STX8: variants seen among roughly 807,000 people sequenced by gnomAD.
STX8 encodes the protein syntaxin-8.
In STX8, 23 loss-of-function variants were observed where a neutral mutation model predicts 37.5. The observed-to-expected ratio is 0.61, with a 90% CI of 0.44 to 0.87. STX8 has a LOEUF of 0.87. Among genes scored for constraint, STX8 ranks in the 40% least tolerant of loss-of-function variants. The pLI is 0.00. For synonymous variants in STX8, 115 were observed against 99.1 expected (o/e 1.16, Z -0.95); for missense variants, 313 against 284.7 (o/e 1.10, Z -0.71).
chr17:9,522,117 C>G (rs1254369130), intron 4 of STX8, among the ~76,000 whole-genome samples: 2 of 152,080 alleles, frequency 1.3e-5, no homozygotes, highest in African/African-American at 4.8e-5. Context: ...AAGCAAAAAA[C>G]AAAACCAAAA....
At chr17:9,449,497 C>G (rs996548978) in intron 6 of STX8, among the ~76,000 whole-genome samples, 1 of 152,114 alleles carries the variant, frequency 6.6e-6, no homozygotes, top group African/African-American at 2.4e-5. Context: ...GGGGACGGAG[C>G]CTGCAGTGAG....
intron 6 of STX8, among the ~76,000 whole-genome samples, chr17:9,403,214 G>A (rs530685965): frequency 6.6e-6 from 1 of 152,310 alleles, no homozygotes; most frequent in East Asian, 1.9e-4. Context: ...TCAATCTAGA[G>A]AGGAATTTCA....
At chr17:9,304,359 ATAAAT>A (rs1191041839) in intron 7 of STX8, among the ~76,000 whole-genome samples, 1 of 152,050 alleles carries the variant, frequency 6.6e-6, no homozygotes, top group Non-Finnish European at 1.5e-5. Context: ...AAAAATGAAA[ATAAAT>A]TAATACAAAT....
chr17:9,382,101 TATAA>T lies in STX8; in HGVS notation c.542-3452_542-3449del, dbSNP rs553170438. On this transcript the variant is annotated intron_variant, in intron 6 of 7. Coordinates refer to ENST00000306357, the MANE Select transcript of STX8 (RefSeq NM_004853.3). ...TCTCTCATATTTCAATGAATTAAAA[TATAA>T]ATAGCTACATGTATCGAACAACTCA... is the stretch of plus-strand genomic sequence containing the variant. 2.7e-3 allele frequency among the ~76,000 whole-genome samples: 408 copies of T among 152,246 alleles called. 3 individuals carry two copies. The highest frequency in any genetic ancestry group is 9.4e-3 in the African/African-American group (391 of 41,534).
Position 9,497,295 on chromosome 17 carries a change from A to G in STX8, c.449-5374T>C, listed in dbSNP as rs1276728043. On this transcript the variant is annotated intron_variant, in intron 5 of 7. Transcript: ENST00000306357. ...AGAAAACATCACAGCACAATCAGGG[A>G]AACTTGAATGCTGAGTATTTGATTA... is the stretch of plus-strand genomic sequence containing the variant. Among the ~76,000 whole-genome samples, 5 of 152,354 alleles carry G rather than the reference A, an allele frequency of 3.3e-5. No homozygotes were observed. The East Asian group carries it at 7.7e-4, about 23-fold the overall frequency.
At chr17:9,339,661 A>G (rs1177233887) in intron 7 of STX8, among the ~76,000 whole-genome samples, 1 of 147,554 alleles carries the variant, frequency 6.8e-6, no homozygotes, top group Admixed American at 6.8e-5. Context: ...GACACCATCT[A>G]AAAAAAAAAG....
Position 9,557,474 on chromosome 17 carries a change from A to G in STX8, c.172T>C (p.Leu58=). 1 of 1,614,158 alleles carries G rather than the reference A, an allele frequency of 6.2e-7. No homozygotes were observed. The highest frequency in any genetic ancestry group is 8.5e-7 in the Non-Finnish European group (1 of 1,179,996). ...ACAGCTCTTAGCAATAAGTCCTTCA[A>G]AAGGGCGATCTTTTCCTTCAGGTTC... The part of the protein sequence containing the change: ...LQNLKEKIAL[L]KDLLLRAVST... The change falls in exon 3 of 8, where the codon TTG becomes CTG. Residue 58 remains leucine (L), a synonymous_variant. Coordinates refer to ENST00000306357, the MANE Select transcript of STX8 (RefSeq NM_004853.3).
Position 9,501,414 on chromosome 17 carries a change from C to T in STX8, c.448+3624G>A, listed in dbSNP as rs575685008. On this transcript the variant is annotated intron_variant, in intron 5 of 7. Coordinates refer to ENST00000306357, the MANE Select transcript of STX8 (RefSeq NM_004853.3). ...AGAGTACAACAGAAATAGGCCCATA[C>T]GCGCAGCAGCTCACATCTGTAATCC... is the stretch of plus-strand genomic sequence containing the variant. Among the ~76,000 whole-genome samples the T allele has an allele frequency of 9.9e-5, 15 of 152,224 alleles. No homozygotes were observed. In the East Asian group the frequency reaches 1.2e-3, roughly 12 times the overall value.
At chr17:9,442,303 A>T (rs1324435906) in intron 6 of STX8, among the ~76,000 whole-genome samples, 3 of 152,038 alleles carry the variant, frequency 2.0e-5, no homozygotes, top group Admixed American at 2.0e-4. Context: ...GGCCAACATC[A>T]TGTCATGACT....
intron 3 of STX8, among the ~76,000 whole-genome samples, chr17:9,548,871 T>A (rs1282170253): frequency 6.6e-6 from 1 of 152,294 alleles, no homozygotes; most frequent in East Asian, 1.9e-4. Flanking sequence ...ACAGAAAATT[T>A]CTGATATATA....
rs36044353 is a variant in STX8 at position 9,560,397 on chromosome 17, C to CAAAA, written c.118-2873_118-2870dup. 2.3e-4 allele frequency among the ~76,000 whole-genome samples: 21 copies of CAAAA among 93,226 alleles called. 1 individual carries two copies. Among genetic ancestry groups the CAAAA allele is most frequent in the Non-Finnish European group, 3.1e-4 (16 of 51,822 alleles). 61.2% of individuals were successfully genotyped at this position (93,226 alleles called of 152,430 possible). On this transcript the variant is annotated intron_variant, in intron 2 of 7. Transcript: ENST00000306357. ...TGGGCGACAGAGCAAGACTCCATCT[C>CAAAA]AAAAAAAAAAAAAAAAAACGGTAGA...
chr17:9,315,096 G>A (rs1303535619), intron 7 of STX8, among the ~76,000 whole-genome samples: 3 of 58,436 alleles, frequency 5.1e-5, no homozygotes, highest in Admixed American at 2.5e-4. Flanking sequence ...GTGAGACTCT[G>A]TCTCAAAAAA....
chr17:9,495,260 T>C (rs142967266), intron 5 of STX8, among the ~76,000 whole-genome samples: 164 of 152,308 alleles, frequency 1.1e-3, no homozygotes, highest in African/African-American at 3.5e-3. Context: ...AATCACTTTA[T>C]AATGAGGTCC....
chr17:9,274,846 G>A (rs1407261385), intron 7 of STX8, among the ~76,000 whole-genome samples: 3 of 143,244 alleles, frequency 2.1e-5, no homozygotes, highest in Non-Finnish European at 4.5e-5. Context: ...CACCTCCCAG[G>A]TTCAAGCAAT....
intron 7 of STX8, among the ~76,000 whole-genome samples, chr17:9,354,116 T>C (rs888965422): frequency 1.3e-5 from 2 of 152,152 alleles, no homozygotes; most frequent in Non-Finnish European, 2.9e-5. Context: ...CACCTTCTCT[T>C]TCATTATAGG....
At chr17:9,526,848 A>G (rs970234260) in intron 4 of STX8, among the ~76,000 whole-genome samples, 2 of 151,578 alleles carry the variant, frequency 1.3e-5, no homozygotes, top group Non-Finnish European at 1.5e-5. Context: ...GGGCAACAAG[A>G]GCAAAACTCC....
At chr17:9,269,086 C>T (rs1052156101) in intron 7 of STX8, among the ~76,000 whole-genome samples, 8 of 151,680 alleles carry the variant, frequency 5.3e-5, no homozygotes, top group Admixed American at 6.6e-5. Context: ...ACTCGGGAGG[C>T]TGAGGCAGGA....
intron 2 of STX8, among the ~76,000 whole-genome samples, chr17:9,566,133 A>G (rs931078912): frequency 2.0e-5 from 3 of 152,234 alleles, no homozygotes; most frequent in African/African-American, 7.2e-5. Context: ...CCCATTAAAA[A>G]GCAGACAAAG....
intron 7 of STX8, among the ~76,000 whole-genome samples, chr17:9,358,279 C>T (rs542997166): frequency 6.6e-6 from 1 of 152,276 alleles, no homozygotes; most frequent in South Asian, 2.1e-4. Context: ...TCAAGTGATC[C>T]TCCTGATAGC....
Sources: allele counts gnomAD v4.1 joint callset (sites outside exome capture counted in the v4.1 genomes callset), GRCh38; gene constraint gnomAD v4.1.1; transcripts MANE v1.5; gene names NCBI Gene and HGNC (gene_info 2026-07-23, HGNC 2026-07-21).